BMERB1: variants seen among roughly 807,000 people sequenced by gnomAD.
BMERB1 encodes bMERB domain-containing protein 1.
A neutral mutation model predicts 23.6 loss-of-function variants in BMERB1; 12 were observed. The ratio of observed to expected loss-of-function variants is 0.51; its 90% CI spans 0.33 to 0.82. The LOEUF (loss-of-function observed/expected upper bound fraction) is 0.82. Ranked by LOEUF, BMERB1 falls within the 40% of genes least tolerant of loss-of-function variation. BMERB1 has a pLI of 0.03. For missense variants in BMERB1, 247 were observed against 255.4 expected, an observed-to-expected ratio of 0.97 and a Z score of 0.22; for synonymous variants, 122 against 96.6, an observed-to-expected ratio of 1.26 and a Z score of -1.54.
chr16:15,534,479 G>A (rs984430555), intron 2 of BMERB1, among the ~76,000 whole-genome samples: 8 of 151,852 alleles, frequency 5.3e-5, no homozygotes, highest in South Asian at 2.1e-4. Context: ...CCTTGAACCC[G>A]GGAGGAAGAC....
chr16:15,567,181 ACT>A (rs981781197), intron 2 of BMERB1, among the ~76,000 whole-genome samples: 2 of 151,814 alleles, frequency 1.3e-5, no homozygotes, highest in African/African-American at 2.4e-5. Flanking sequence ...ACAGAGCGAC[ACT>A]CTATCTCCAA....
At chr16:15,570,500 C>T in intron 3 of BMERB1, among the ~76,000 whole-genome samples, 1 of 152,034 alleles carries the variant, frequency 6.6e-6, no homozygotes, top group East Asian at 1.9e-4. Flanking sequence ...TGAGTTTCAT[C>T]CCTGGCCTCT....
intron 2 of BMERB1, among the ~76,000 whole-genome samples, chr16:15,548,425 C>T (rs1261716414): frequency 6.6e-6 from 1 of 152,158 alleles, no homozygotes; most frequent in African/African-American, 2.4e-5. Flanking sequence ...AAGAAGCACC[C>T]CTAAATCTGC....
rs555134831 is a variant in BMERB1, at chr16:15,568,313, A to G, written c.304+257A>G. ...CTCCTCCTCTGAAAATTGGCTAGTA[A>G]TAGTAAGAGGGTCTAATTCATTGAG... On this transcript the variant is annotated intron_variant, in intron 3 of 5. Coordinates refer to ENST00000300006, the MANE Select transcript of BMERB1 (RefSeq NM_033201.3). 4.6e-5 allele frequency among the ~76,000 whole-genome samples: 7 copies of G among 152,318 alleles called. 1 individual carries two copies. In the South Asian group the frequency reaches 1.4e-3, roughly 32 times the overall value.
At chr16:15,476,702 A>G (rs1437905835) in intron 1 of BMERB1, among the ~76,000 whole-genome samples, 1 of 152,218 alleles carries the variant, frequency 6.6e-6, no homozygotes, top group African/African-American at 2.4e-5. Flanking sequence ...CAGCTCATTA[A>G]GTCTGCTGAA....
At chr16:15,462,275 C>G (rs920825926) in intron 1 of BMERB1, among the ~76,000 whole-genome samples, 7 of 150,974 alleles carry the variant, frequency 4.6e-5, no homozygotes, top group Non-Finnish European at 1.5e-5. Context: ...CCTCAGCCCC[C>G]TGAGAAGCTG....
At chr16:15,463,525 GC>G (rs2051154411) in intron 1 of BMERB1, among the ~76,000 whole-genome samples, 1 of 152,080 alleles carries the variant, frequency 6.6e-6, no homozygotes. Context: ...ACAGAAAGAT[GC>G]CCCCCACTTT....
At chr16:15,499,223 C>T (rs1195065625) in intron 1 of BMERB1, among the ~76,000 whole-genome samples, 1 of 152,074 alleles carries the variant, frequency 6.6e-6, no homozygotes, top group Admixed American at 6.6e-5. Flanking sequence ...CATGGTGAAA[C>T]TCTGTCTCTA....
intron 1 of BMERB1, among the ~76,000 whole-genome samples, chr16:15,458,411 G>A (rs1432397630): frequency 6.6e-6 from 1 of 152,090 alleles, no homozygotes; most frequent in Non-Finnish European, 1.5e-5. Flanking sequence ...ATAAGTGATT[G>A]GATTCAGTAA....
chr16:15,482,113 C>G (rs762987874), intron 1 of BMERB1, among the ~76,000 whole-genome samples: 1 of 152,072 alleles, frequency 6.6e-6, no homozygotes, highest in Admixed American at 6.6e-5. Flanking sequence ...AGGATAGGGT[C>G]CACTGCCATT....
intron 2 of BMERB1, among the ~76,000 whole-genome samples, chr16:15,516,890 G>C (rs953012588): frequency 1.1e-4 from 17 of 152,150 alleles, no homozygotes; most frequent in African/African-American, 3.9e-4. Flanking sequence ...CTGTCGTCCA[G>C]GGTGGAATGC....
intron 2 of BMERB1, among the ~76,000 whole-genome samples, chr16:15,524,743 C>T (rs1217510518): frequency 6.6e-6 from 1 of 152,138 alleles, no homozygotes; most frequent in Non-Finnish European, 1.5e-5. Flanking sequence ...TGCATTCCAG[C>T]CTGGGTGACA....
intron 2 of BMERB1, 45 bp from the exon 3 acceptor site, chr16:15,567,938 G>C (rs368379713): frequency 4.5e-6 from 7 of 1,569,016 alleles, no homozygotes; most frequent in Non-Finnish European, 5.2e-6. Flanking sequence ...AGGGCGTAAT[G>C]CTCTGCTGAT....
At position 15,473,239 on chromosome 16, in the gene BMERB1, G is replaced by A. The variant is rs2051245551; in HGVS notation, c.106+38480G>A. Reference sequence around the variant, plus strand: ...AAATAAGATAAAACTAAAGTTCCAAGCCTTCTTCTGTTATCATTACCTTTC... The same window carrying A: ...AAATAAGATAAAACTAAAGTTCCAAACCTTCTTCTGTTATCATTACCTTTC... On this transcript the variant is annotated intron_variant, in intron 1 of 5. Transcript: ENST00000300006. 2.0e-5 allele frequency among the ~76,000 whole-genome samples: 3 copies of A among 150,588 alleles called. No homozygotes were observed. In the South Asian group the frequency reaches 6.3e-4, roughly 32 times the overall value.
At chr16:15,542,930 T>C (rs1462403176) in intron 2 of BMERB1, among the ~76,000 whole-genome samples, 1 of 152,118 alleles carries the variant, frequency 6.6e-6, no homozygotes, top group Non-Finnish European at 1.5e-5. Context: ...TAATACTCTT[T>C]TAGCAGTTGC....
chr16:15,459,421 G>A (rs1358219086), intron 1 of BMERB1, among the ~76,000 whole-genome samples: 1 of 151,514 alleles, frequency 6.6e-6, no homozygotes, highest in Non-Finnish European at 1.5e-5. Context: ...CAAATAGGTT[G>A]AAAAGAAAAG....
At chr16:15,459,193 A>G (rs1245795821) in intron 1 of BMERB1, among the ~76,000 whole-genome samples, 3 of 152,162 alleles carry the variant, frequency 2.0e-5, no homozygotes, top group Admixed American at 1.3e-4. Context: ...AAAGAAAGCT[A>G]TTAAAAAGGA....
chr16:15,516,386 C>A, intron 2 of BMERB1, among the ~76,000 whole-genome samples: 1 of 152,166 alleles, frequency 6.6e-6, no homozygotes, highest in Middle Eastern at 3.4e-3. Flanking sequence ...TACCATTGCA[C>A]TCCAACCTGG....
chr16:15,514,353 C>T (rs979054913), intron 1 of BMERB1, among the ~76,000 whole-genome samples: 26 of 152,218 alleles, frequency 1.7e-4, no homozygotes, highest in Non-Finnish European at 2.8e-4. Context: ...TGCCTAGAGT[C>T]GGCTGGTCTT....
Sources: gnomAD v4.1 joint callset for allele counts (sites outside exome capture counted in the v4.1 genomes callset) on GRCh38, gnomAD v4.1.1 for gene constraint, MANE v1.5 for transcripts, NCBI Gene and HGNC (gene_info 2026-07-23, HGNC 2026-07-21) for gene names.